MAK: variants seen among roughly 807,000 people sequenced by gnomAD.
The protein encoded by MAK is male germ cell associated kinase, also known as serine/threonine-protein kinase MAK.
A neutral mutation model predicts 82.6 loss-of-function variants in MAK; 65 were observed. The ratio of observed to expected loss-of-function variants is 0.79; its 90% CI spans 0.64 to 0.97. The LOEUF (loss-of-function observed/expected upper bound fraction) is 0.97. Among genes scored for constraint, MAK ranks in the 50% least tolerant of loss-of-function variants. The pLI is 0.00. For missense variants in MAK, 703 were observed against 780.2 expected (o/e 0.90, Z 1.18); for synonymous variants, 250 against 274.2 (o/e 0.91, Z 0.87).
chr6:10,832,018 C>T (rs1398875050), intron 1 of MAK, among the ~76,000 whole-genome samples: 2 of 152,216 alleles, frequency 1.3e-5, no homozygotes, highest in East Asian at 1.9e-4. Flanking sequence ...TAACCTCCGC[C>T]TCCCAGGTTC....
intron 2 of MAK, among the ~76,000 whole-genome samples, chr6:10,826,186 T>G (rs909047840): frequency 9.2e-5 from 14 of 151,922 alleles, no homozygotes; most frequent in African/African-American, 3.4e-4. Context: ...TCACACACTC[T>G]CTCTCGCCTC....
chr6:10,810,809 T>G (rs947279854), intron 5 of MAK, among the ~76,000 whole-genome samples: 1 of 152,206 alleles, frequency 6.6e-6, no homozygotes, highest in African/African-American at 2.4e-5. Flanking sequence ...TTCAGATACT[T>G]TTGTAATGTA....
At chr6:10,772,122 T>G (rs578215663) in intron 13 of MAK, among the ~76,000 whole-genome samples, 2 of 152,322 alleles carry the variant, frequency 1.3e-5, no homozygotes, top group East Asian at 3.9e-4. Context: ...GACTCTAGGA[T>G]TCATGCATTA....
At chr6:10,785,350 C>T (rs1424054498) in intron 10 of MAK, among the ~76,000 whole-genome samples, 1 of 152,178 alleles carries the variant, frequency 6.6e-6, no homozygotes. Flanking sequence ...AATGAGCCCT[C>T]CACGACCAAC....
At chr6:10,830,379 T>C (rs186847019) in intron 2 of MAK, among the ~76,000 whole-genome samples, 169 bp downstream of exon 2, 2,344 of 151,878 alleles carry the variant, frequency 0.015, 26 homozygotes, top group Non-Finnish European at 0.024. Flanking sequence ...TTGGCCAGGC[T>C]GGTCTCAAAC....
At chr6:10,817,316 C>T (rs1048806426) in intron 4 of MAK, among the ~76,000 whole-genome samples, 5 of 152,140 alleles carry the variant, frequency 3.3e-5, no homozygotes, top group Non-Finnish European at 7.3e-5. Flanking sequence ...AAGCCCAGGG[C>T]GGAAGACCAA....
chr6:10,812,623 CT>C (rs535743804), intron 5 of MAK, among the ~76,000 whole-genome samples: 1 of 150,156 alleles, frequency 6.7e-6, no homozygotes, highest in East Asian at 2.0e-4. Flanking sequence ...AAAGAAGGTC[CT>C]TTTTTTTTCA....
intron 14 of MAK, among the ~76,000 whole-genome samples, chr6:10,766,035 T>C (rs1242968425): frequency 6.6e-6 from 1 of 152,212 alleles, no homozygotes; most frequent in Non-Finnish European, 1.5e-5. Context: ...AGTCCCTCCT[T>C]CACGCTTTCC....
Position 10,764,196 on chromosome 6 carries a change from T to TCGGTGGTCG in MAK, c.*255_*256insCGACCACCG. The stretch of plus-strand genomic sequence containing the variant: ...ATTTATTAAATTGTAGATCAAATAC[T>TCGGTGGTCG]TCATACTTTGGCAAATAGTTTATTC... On this transcript the variant is annotated 3_prime_UTR_variant, in exon 15 of 15. Coordinates refer to ENST00000354489, the MANE Select transcript of MAK (RefSeq NM_001242957.3). 2.2e-6 allele frequency: 1 copy of TCGGTGGTCG among 445,676 alleles called. No individual in the cohort carries two copies. Among genetic ancestry groups the TCGGTGGTCG allele is most frequent in the South Asian group, 3.2e-5 (1 of 31,004 alleles). The allele number at this position is 445,676 out of a possible 1,614,324, so 27.6% of individuals were successfully genotyped here. A position where few individuals can be genotyped will look rare whatever the true frequency, so the allele number is the denominator to read the frequency against.
chr6:10,768,733 G>T (rs923209652), intron 14 of MAK, among the ~76,000 whole-genome samples: 1 of 152,136 alleles, frequency 6.6e-6, no homozygotes, highest in Non-Finnish European at 1.5e-5. Flanking sequence ...CACAGATAAG[G>T]TAACTGTAGT....
intron 11 of MAK, among the ~76,000 whole-genome samples, chr6:10,783,398 C>T (rs1774181935): frequency 6.6e-6 from 1 of 152,172 alleles, no homozygotes; most frequent in Admixed American, 6.5e-5. Flanking sequence ...GCATCCCGCA[C>T]TCAGCTCTCC....
At chr6:10,828,996 C>T (rs1778581507) in intron 2 of MAK, 1 of 152,200 alleles carries the variant, frequency 6.6e-6, no homozygotes, top group Admixed American at 6.5e-5. Context: ...GTCTGTGATA[C>T]TTTGTTACAG....
intron 11 of MAK, among the ~76,000 whole-genome samples, chr6:10,775,782 T>G (rs1380674101): frequency 6.6e-6 from 1 of 152,118 alleles, no homozygotes; most frequent in East Asian, 1.9e-4. Flanking sequence ...CACGACGTTT[T>G]TTTTGTTTTG....
At chr6:10,772,251 T>C (rs1773079269) in intron 13 of MAK, among the ~76,000 whole-genome samples, 1 of 152,220 alleles carries the variant, frequency 6.6e-6, no homozygotes. Flanking sequence ...ATTTTCAGAT[T>C]GCAGCCAGTT....
chr6:10,812,810 C>G (rs1425684764), intron 5 of MAK, among the ~76,000 whole-genome samples: 1 of 151,596 alleles, frequency 6.6e-6, no homozygotes, highest in African/African-American at 2.4e-5. Flanking sequence ...TTTGCCTAGG[C>G]TGGAGTGCAA....
At chr6:10,808,689 T>C in intron 6 of MAK, 121 bp downstream of exon 6, 1 of 1,007,888 alleles carries the variant, frequency 9.9e-7, no homozygotes, top group Non-Finnish European at 1.5e-6. Flanking sequence ...TTAAAGAATA[T>C]AAAATTCAAT....
intron 4 of MAK, among the ~76,000 whole-genome samples, chr6:10,815,473 A>C (rs1397842663): frequency 2.6e-5 from 4 of 152,178 alleles, no homozygotes; most frequent in African/African-American, 7.2e-5. Context: ...AAATACAAAA[A>C]TTAGCCAGGC....
chr6:10,778,035 C>T (rs1417288457), intron 11 of MAK, among the ~76,000 whole-genome samples: 1 of 152,114 alleles, frequency 6.6e-6, no homozygotes, highest in Non-Finnish European at 1.5e-5. Flanking sequence ...CTGGGTACCT[C>T]CTACAAACCA....
At chr6:10,798,822 ATTTAT>A (rs1775785516) in intron 8 of MAK, among the ~76,000 whole-genome samples, 2 of 150,464 alleles carry the variant, frequency 1.3e-5, no homozygotes, top group African/African-American at 4.9e-5. Context: ...TTATTTATTT[ATTTAT>A]TTATTTATTT....
Sources: gnomAD v4.1 joint callset for allele counts (sites outside exome capture counted in the v4.1 genomes callset) on GRCh38, gnomAD v4.1.1 for gene constraint, MANE v1.5 for transcripts, NCBI Gene and HGNC (gene_info 2026-07-23, HGNC 2026-07-21) for gene names.